Variants in SPATA13 observed in about 807,000 individuals in gnomAD.
SPATA13 encodes the protein spermatogenesis-associated protein 13.
In SPATA13, 50 loss-of-function variants were observed where a neutral mutation model predicts 104.0. The observed-to-expected ratio is 0.48, with a 90% confidence interval of 0.38 to 0.61. The LOEUF (loss-of-function observed/expected upper bound fraction) is 0.61, where lower values mean the gene tolerates loss of function less well. Ranked by LOEUF, SPATA13 falls within the 20% of genes least tolerant of loss-of-function variation. The pLI is 0.00. For missense variants in SPATA13, 1,524 were observed against 1,690.6 expected (o/e 0.90, Z 1.73); for synonymous variants, 606 against 667.5 (o/e 0.91, Z 1.42).
At chr13:24,274,085 G>T (rs946791272) in intron 4 of SPATA13, among the ~76,000 whole-genome samples, 2 of 152,194 alleles carry the variant, frequency 1.3e-5, no homozygotes, top group African/African-American at 4.8e-5. Context: ...ACGGATGGAA[G>T]GATTTTGTCC....
chr13:24,169,083 T>A (rs1368429306), intron 1 of SPATA13, among the ~76,000 whole-genome samples: 2 of 152,194 alleles, frequency 1.3e-5, no homozygotes. Flanking sequence ...AGAGCCTGCT[T>A]GTGTTGCCAA....
In SPATA13 at chr13:24,297,593, C is replaced by A; in HGVS notation, c.3441C>A (p.Leu1147=). The change falls in exon 11 of 13, where the codon CTC becomes CTA. Residue 1147 remains leucine, a synonymous_variant. Coordinates refer to ENST00000382108, the MANE Select transcript of SPATA13 (RefSeq NM_001166271.3). ...LGDGRDKDCN[L]SVKNAFKLVS... is the part of the protein sequence containing the mutation. ...ATGGGCGCGACAAGGACTGCAACCT[C>A]AGCGTGAAAAATGCCTTCAAGCTCG... is the stretch of plus-strand genomic sequence containing the variant. The A allele has an allele frequency of 1.2e-6, 2 of 1,614,202 alleles. No individual in the cohort carries two copies. The highest frequency in any genetic ancestry group is 1.7e-6 in the Non-Finnish European group (2 of 1,180,042).
chr13:24,289,298 G>A, intron 8 of SPATA13, 120 bp downstream of exon 8: 1 of 786,782 alleles, frequency 1.3e-6, no homozygotes, highest in Non-Finnish European at 2.0e-6. Flanking sequence ...ATCTTCCATA[G>A]AAAGGAGATG....
intron 1 of SPATA13, among the ~76,000 whole-genome samples, chr13:24,197,420 T>TGGAA (rs1870123649): frequency 6.6e-6 from 1 of 152,208 alleles, no homozygotes; most frequent in Non-Finnish European, 1.5e-5. Flanking sequence ...AGAAATTTAT[T>TGGAA]TAGCTCATCA....
rs561293547 is a variant in SPATA13, at chr13:24,009,637, T to TA, written c.-146-8027dup. ...TGATTGAAAGAGTTAGGTTACTATC[T>TA]AAAGACCTAGAATCAATAGAAAGGA... On this transcript the variant is annotated intron_variant, in intron 2 of 14. Transcript: ENST00000424834. Among the ~76,000 whole-genome samples the TA allele has an allele frequency of 4.9e-4, 74 of 152,336 alleles. No homozygotes were observed. In the South Asian group the frequency reaches 0.014, roughly 29 times the overall value.
chr13:24,122,253 A>G, intron 3 of SPATA13: 1 of 1,310,674 alleles, frequency 7.6e-7, no homozygotes, highest in South Asian at 1.2e-5. Flanking sequence ...AGAGCCTGAT[A>G]CCACACAGGA....
intron 4 of SPATA13, among the ~76,000 whole-genome samples, chr13:24,264,704 GTC>G (rs1170353749): frequency 6.6e-6 from 1 of 152,150 alleles, no homozygotes; most frequent in Non-Finnish European, 1.5e-5. Flanking sequence ...AATGTGCTTG[GTC>G]CTAAGGATCT....
chr13:24,174,857 G>A (rs1273004761), intron 1 of SPATA13, among the ~76,000 whole-genome samples: 1 of 152,192 alleles, frequency 6.6e-6, no homozygotes, highest in African/African-American at 2.4e-5. Flanking sequence ...GGGATTACAG[G>A]CGTGAGCCCC....
At chr13:24,065,464 T>G (rs1878922402) in intron 3 of SPATA13, among the ~76,000 whole-genome samples, 1 of 152,316 alleles carries the variant, frequency 6.6e-6, no homozygotes, top group South Asian at 2.1e-4. Context: ...CAGCCACCTG[T>G]AGCTCTGAAT....
chr13:24,067,130 C>G (rs1878992265), intron 3 of SPATA13, among the ~76,000 whole-genome samples: 1 of 152,184 alleles, frequency 6.6e-6, no homozygotes, highest in Non-Finnish European at 1.5e-5. Flanking sequence ...CCCCACACCC[C>G]ACCAAGCTGC....
chr13:24,142,431 CTT>C (rs1271348754), intron 3 of SPATA13, among the ~76,000 whole-genome samples: 1 of 152,138 alleles, frequency 6.6e-6, no homozygotes, highest in Non-Finnish European at 1.5e-5. Context: ...GACCTTGACA[CTT>C]TTGAACAGCA....
At chr13:24,056,749 G>A (rs1333172828) in intron 3 of SPATA13, among the ~76,000 whole-genome samples, 1 of 152,086 alleles carries the variant, frequency 6.6e-6, no homozygotes, top group East Asian at 1.9e-4. Context: ...TTGTTTTTTG[G>A]GAGAGGAATG....
chr13:24,166,530 A>G (rs1403171146), intron 1 of SPATA13, among the ~76,000 whole-genome samples: 1 of 152,158 alleles, frequency 6.6e-6, no homozygotes, highest in South Asian at 2.1e-4. Context: ...CTGTATCACT[A>G]TAGCCCCAAG....
intron 3 of SPATA13, among the ~76,000 whole-genome samples, chr13:24,020,996 G>A (rs539333796): frequency 2.6e-5 from 4 of 152,154 alleles, no homozygotes; most frequent in South Asian, 2.1e-4. Context: ...GGCCTAGATC[G>A]AGACACTGCA....
Position 24,069,983 on chromosome 13 carries a change from G to A in SPATA13, c.-112+52282G>A, listed in dbSNP as rs553482649. 4.9e-4 allele frequency among the ~76,000 whole-genome samples: 74 copies of A among 152,330 alleles called. No individual in the cohort carries two copies. The South Asian group carries it at 0.015, about 31-fold the overall frequency. Reference sequence around the variant, plus strand: ...GCATTCCTATCTGAGATGTGGGAGTGCGGTAGAGGGGTCTCTGGCAAGTAA... The same window carrying A: ...GCATTCCTATCTGAGATGTGGGAGTACGGTAGAGGGGTCTCTGGCAAGTAA... On this transcript the variant is annotated intron_variant, in intron 3 of 14. Transcript: ENST00000424834.
At chr13:24,235,876 T>C (rs1293886501) in intron 2 of SPATA13, among the ~76,000 whole-genome samples, 2 of 152,262 alleles carry the variant, frequency 1.3e-5, no homozygotes, top group East Asian at 1.9e-4. Context: ...AAAGTAACTG[T>C]TTCTTGAAAA....
chr13:24,305,007 T>C lies in SPATA13; in HGVS notation c.*2234T>C, dbSNP rs1877486010. ...ATAACTGTAGGGGTCTCTGCTAGAG[T>C]TGTTTGTATGTACAGCAATTTTGAA... On this transcript the variant is annotated 3_prime_UTR_variant, in exon 13 of 13. Coordinates refer to ENST00000382108, the MANE Select transcript of SPATA13 (RefSeq NM_001166271.3). The C allele has an allele frequency of 6.6e-6, 1 of 152,190 alleles. No homozygotes were observed. Among genetic ancestry groups the C allele is most frequent in the Admixed American group, 6.5e-5 (1 of 15,286 alleles). 9.4% of individuals were successfully genotyped at this position (152,190 alleles called of 1,614,324 possible). A position where few individuals can be genotyped will look rare whatever the true frequency, so the allele number is the denominator to read the frequency against.
At chr13:24,184,985 C>T (rs147972632) in intron 1 of SPATA13, among the ~76,000 whole-genome samples, 234 of 152,260 alleles carry the variant, frequency 1.5e-3, no homozygotes, top group Non-Finnish European at 2.6e-3. Flanking sequence ...CAGGAAAGTG[C>T]GGGTGCCTTT....
At chr13:24,183,014 G>T (rs1868910573) in intron 1 of SPATA13, among the ~76,000 whole-genome samples, 1 of 152,122 alleles carries the variant, frequency 6.6e-6, no homozygotes. Flanking sequence ...GGCTTCTGAG[G>T]ATATCTGCTT....
Sources: allele counts gnomAD v4.1 joint callset (sites outside exome capture counted in the v4.1 genomes callset), GRCh38; gene constraint gnomAD v4.1.1; transcripts MANE v1.5; gene names NCBI Gene and HGNC (gene_info 2026-07-23, HGNC 2026-07-21).